The following CORO2B variants were observed in gnomAD, a reference collection of about 807,000 sequenced individuals.
The protein encoded by CORO2B is coronin-2B.
Under a neutral mutation model 58.8 loss-of-function variants are expected in CORO2B, and 26 were observed. The observed-to-expected ratio is 0.44, with a 90% CI of 0.32 to 0.61. The LOEUF (loss-of-function observed/expected upper bound fraction) is 0.61, where lower values mean the gene tolerates loss of function less well. Ranked by LOEUF, CORO2B falls within the 20% of genes least tolerant of loss-of-function variation. CORO2B has a pLI of 0.04. For missense variants in CORO2B, 460 were observed against 645.1 expected, an observed-to-expected ratio of 0.71 and a Z score of 3.11; for synonymous variants, 242 against 253.8, an observed-to-expected ratio of 0.95 and a Z score of 0.44.
intron 2 of CORO2B, among the ~76,000 whole-genome samples, chr15:68,648,418 G>A (rs575997333): frequency 7.2e-5 from 11 of 152,180 alleles, no homozygotes; most frequent in Admixed American, 4.6e-4. Flanking sequence ...AGGCAGAGGC[G>A]GGTGGATCAC....
chr15:68,652,802 T>G (rs1901682993), intron 2 of CORO2B, among the ~76,000 whole-genome samples: 1 of 152,250 alleles, frequency 6.6e-6, no homozygotes, highest in Non-Finnish European at 1.5e-5. Flanking sequence ...CCTTTAAGAC[T>G]GCACGGCCCA....
intron 2 of CORO2B, among the ~76,000 whole-genome samples, chr15:68,658,060 C>T (rs753271382): frequency 6.6e-6 from 1 of 152,262 alleles, no homozygotes; most frequent in African/African-American, 2.4e-5. Context: ...AACCTAGCTT[C>T]TCTGCCTGGT....
intron 1 of CORO2B, among the ~76,000 whole-genome samples, chr15:68,643,894 G>A (rs1232703364): frequency 1.3e-5 from 2 of 152,032 alleles, no homozygotes; most frequent in Non-Finnish European, 2.9e-5. Context: ...AAAATTAGCT[G>A]GGCGTGGTGG....
At chr15:68,641,200 G>C (rs1012707389) in intron 1 of CORO2B, among the ~76,000 whole-genome samples, 10 of 152,200 alleles carry the variant, frequency 6.6e-5, no homozygotes, top group African/African-American at 2.4e-4. Context: ...TCTAGGGCCT[G>C]CCCAGGCCCA....
intron 1 of CORO2B, among the ~76,000 whole-genome samples, chr15:68,633,510 A>AACATACACAC: frequency 1.9e-5 from 1 of 51,784 alleles, no homozygotes; most frequent in Non-Finnish European, 4.1e-5. Context: ...TGGTTACTCC[A>AACATACACAC]ACATACACAC....
chr15:68,560,908 A>G, the CORO2B span, among the ~76,000 whole-genome samples: 1 of 152,140 alleles, frequency 6.6e-6, no homozygotes, highest in Admixed American at 6.5e-5. Context: ...GACTTGTGCA[A>G]ATTAGCACCA....
At chr15:68,704,292 A>C (rs1892732327) in intron 3 of CORO2B, among the ~76,000 whole-genome samples, 2 of 151,920 alleles carry the variant, frequency 1.3e-5, no homozygotes, top group African/African-American at 4.8e-5. Flanking sequence ...GACCACTATA[A>C]AACTTGGGTA....
intron 1 of CORO2B, among the ~76,000 whole-genome samples, chr15:68,600,544 C>T (rs928402329): frequency 6.6e-6 from 1 of 152,200 alleles, no homozygotes; most frequent in African/African-American, 2.4e-5. Flanking sequence ...TTAACAGCCT[C>T]TCTCTGAACT....
the CORO2B span, among the ~76,000 whole-genome samples, chr15:68,551,177 G>A: frequency 4.6e-5 from 7 of 152,056 alleles, no homozygotes; most frequent in Non-Finnish European, 1.0e-4. Flanking sequence ...CAGGGGTGCC[G>A]TGGGGAGAAA....
At chr15:68,549,996 C>T in the CORO2B span, among the ~76,000 whole-genome samples, 1 of 78,214 alleles carries the variant, frequency 1.3e-5, no homozygotes, top group Non-Finnish European at 2.8e-5. Flanking sequence ...TTGCTGGTGA[C>T]CGTGGGCAAG....
chr15:68,531,593 A>G, the CORO2B span, among the ~76,000 whole-genome samples: 5 of 148,988 alleles, frequency 3.4e-5, no homozygotes, highest in African/African-American at 7.4e-5. Context: ...AGAGAAAGAA[A>G]GAAGGAAGGA....
At chr15:68,674,159 G>A (rs1243146906) in intron 2 of CORO2B, among the ~76,000 whole-genome samples, 2 of 152,150 alleles carry the variant, frequency 1.3e-5, no homozygotes, top group Non-Finnish European at 2.9e-5. Flanking sequence ...GGATGTGGCT[G>A]AGAGTAGCGC....
chr15:68,569,714 C>T, the CORO2B span, among the ~76,000 whole-genome samples: 1 of 152,214 alleles, frequency 6.6e-6, no homozygotes, highest in African/African-American at 2.4e-5. Context: ...GAAATTGCCA[C>T]AGGGTCTTCC....
chr15:68,622,993 C>T (rs1183615577), intron 1 of CORO2B, among the ~76,000 whole-genome samples: 2 of 152,144 alleles, frequency 1.3e-5, no homozygotes, highest in East Asian at 3.9e-4. Context: ...ATTAATATCA[C>T]CCCTCTTTTA....
the CORO2B span, among the ~76,000 whole-genome samples, chr15:68,545,610 G>A: frequency 8.2e-5 from 9 of 110,152 alleles, no homozygotes; most frequent in Admixed American, 1.9e-4. Context: ...GAATGCGGGG[G>A]GCGGGGGGGG....
At chr15:68,562,340 C>A in the CORO2B span, among the ~76,000 whole-genome samples, 7 of 152,330 alleles carry the variant, frequency 4.6e-5, no homozygotes, top group East Asian at 1.4e-3. Flanking sequence ...CCTTCCTCTT[C>A]TCCTGAGACT....
chr15:68,685,456 C>T (rs1274502941), intron 2 of CORO2B, among the ~76,000 whole-genome samples: 1 of 152,216 alleles, frequency 6.6e-6, no homozygotes, highest in Non-Finnish European at 1.5e-5. Context: ...AGGTGATCTG[C>T]CCACCTTGGC....
intron 3 of CORO2B, among the ~76,000 whole-genome samples, chr15:68,703,539 G>T (rs1892710876): frequency 6.6e-6 from 1 of 152,190 alleles, no homozygotes; most frequent in South Asian, 2.1e-4. Flanking sequence ...TAAGGGGTTA[G>T]ATATCAGATC....
chr15:68,694,432 T>C (rs1892460738), intron 2 of CORO2B, among the ~76,000 whole-genome samples: 1 of 152,180 alleles, frequency 6.6e-6, no homozygotes, highest in African/African-American at 2.4e-5. Context: ...GCCACAACTT[T>C]CACTGCTAAA....
Sources: allele counts gnomAD v4.1 joint callset (sites outside exome capture counted in the v4.1 genomes callset), GRCh38; gene constraint gnomAD v4.1.1; transcripts MANE v1.5; gene names NCBI Gene and HGNC (gene_info 2026-07-23, HGNC 2026-07-21).